Variants in ARHGEF28 observed in about 807,000 individuals in gnomAD.
ARHGEF28 encodes the protein Rho guanine nucleotide exchange factor 28, also known as 190 kDa guanine nucleotide exchange factor.
A neutral mutation model predicts 206.6 loss-of-function variants in ARHGEF28; 152 were observed. The ratio of observed to expected loss-of-function variants is 0.74; its 90% CI spans 0.64 to 0.84. ARHGEF28 has a LOEUF of 0.84. ARHGEF28 is among the 40% of genes least tolerant of loss of function. ARHGEF28 has a pLI of 0.00. For missense variants in ARHGEF28, 2,028 were observed against 2,073.2 expected (o/e 0.98, Z 0.42); for synonymous variants, 763 against 776.4 (o/e 0.98, Z 0.29).
At chr5:73,787,557 C>A (rs1426799041) in intron 7 of ARHGEF28, among the ~76,000 whole-genome samples, 1 of 152,146 alleles carries the variant, frequency 6.6e-6, no homozygotes, top group Non-Finnish European at 1.5e-5. Context: ...CTCTGACAGA[C>A]CCTGGTGTGT....
chr5:73,830,599 C>T (rs1484694000), intron 9 of ARHGEF28, among the ~76,000 whole-genome samples: 11 of 151,380 alleles, frequency 7.3e-5, no homozygotes, highest in Non-Finnish European at 1.2e-4. Context: ...TCTTTAACAT[C>T]GTATGTTTCC....
chr5:73,787,441 G>C (rs926199217), intron 7 of ARHGEF28, among the ~76,000 whole-genome samples: 1 of 152,060 alleles, frequency 6.6e-6, no homozygotes, highest in African/African-American at 2.4e-5. Flanking sequence ...AGAACGTGCA[G>C]GTTTGTTACA....
chr5:73,725,228 A>G (rs370338450), intron 2 of ARHGEF28, among the ~76,000 whole-genome samples: 18 of 152,354 alleles, frequency 1.2e-4, no homozygotes, highest in African/African-American at 4.3e-4. Context: ...TGATAGGAGT[A>G]TCATAAACCA....
rs978252842 is a variant in ARHGEF28 at position 73,850,556 on chromosome 5, T to C, written c.1747+1469T>C. On this transcript the variant is annotated intron_variant, in intron 13 of 35. Coordinates refer to ENST00000513042, the MANE Select transcript of ARHGEF28 (RefSeq NM_001177693.2). ...TGATGAATTAACCTCACATTGTTACTATTTGGAAAACATGTTTAAGTTTTC... is the reference window on the plus strand; with the variant it reads ...TGATGAATTAACCTCACATTGTTACCATTTGGAAAACATGTTTAAGTTTTC... Among the ~76,000 whole-genome samples the C allele has an allele frequency of 2.0e-5, 3 of 152,252 alleles. No homozygotes were observed. In the East Asian group the frequency reaches 5.8e-4, roughly 29 times the overall value.
At chr5:73,787,855 T>G (rs115536360) in intron 7 of ARHGEF28, among the ~76,000 whole-genome samples, 1,597 of 152,324 alleles carry the variant, frequency 0.01, 37 homozygotes, top group African/African-American at 0.036. Context: ...ATGGATAGGA[T>G]ATCATGATGA....
In ARHGEF28 at chr5:73,858,154, C is replaced by G; in HGVS notation, c.1982C>G (p.Ser661Cys). ...CATCAGTTTGCCCCAGGAACATTCT[C>G]TGGGGTTCTGCAGTGTTTGGTTTGT... The part of the protein sequence containing the change: ...NRHQFAPGTF[S>C]GVLQCLVCDK... Residue 661 changes from serine to cysteine, a missense_variant, in exon 16 of 36, where the codon TCT becomes TGT. Ser to Cys is a moderately radical substitution (Grantham distance 112). Coordinates refer to ENST00000513042, the MANE Select transcript of ARHGEF28 (RefSeq NM_001177693.2). 1 of 1,612,402 alleles carries G rather than the reference C, an allele frequency of 6.2e-7. No homozygotes were observed. The highest frequency in any genetic ancestry group is 1.1e-5 in the South Asian group (1 of 90,760).
intron 11 of ARHGEF28, among the ~76,000 whole-genome samples, chr5:73,843,373 ATC>A (rs112107364): frequency 3.3e-5 from 5 of 152,340 alleles, no homozygotes; most frequent in African/African-American, 1.2e-4. Flanking sequence ...AGCTGACTTC[ATC>A]TCCTTTGCCC....
intron 2 of ARHGEF28, among the ~76,000 whole-genome samples, chr5:73,743,499 G>A (rs73762194): frequency 0.014 from 2,157 of 152,236 alleles, 44 homozygotes; most frequent in African/African-American, 0.048. Context: ...TGTGTTATAA[G>A]TCTTTTAAGT....
intron 21 of ARHGEF28, among the ~76,000 whole-genome samples, 162 bp downstream of exon 21, chr5:73,870,371 A>G (rs1359136143): frequency 6.6e-6 from 1 of 152,180 alleles, no homozygotes; most frequent in Non-Finnish European, 1.5e-5. Flanking sequence ...TAGTTTCTCC[A>G]TCTGTAAAAT....
intron 11 of ARHGEF28, among the ~76,000 whole-genome samples, chr5:73,845,667 A>G (rs569233770): frequency 6.6e-6 from 1 of 152,282 alleles, no homozygotes; most frequent in African/African-American, 2.4e-5. Context: ...GGTTAGTACT[A>G]ACTCAAACCA....
At chr5:73,732,818 A>T (rs891163405) in intron 2 of ARHGEF28, among the ~76,000 whole-genome samples, 1 of 152,156 alleles carries the variant, frequency 6.6e-6, no homozygotes, top group East Asian at 1.9e-4. Flanking sequence ...AAAGTGGTAT[A>T]TGAAAGCATA....
intron 9 of ARHGEF28, among the ~76,000 whole-genome samples, chr5:73,815,506 G>C (rs549128811): frequency 6.6e-6 from 1 of 152,256 alleles, no homozygotes; most frequent in African/African-American, 2.4e-5. Context: ...AGAGCTTCTT[G>C]AGGATAGGTA....
intron 35 of ARHGEF28, among the ~76,000 whole-genome samples, chr5:73,922,283 A>C (rs915995207): frequency 2.0e-5 from 3 of 152,184 alleles, no homozygotes; most frequent in African/African-American, 7.2e-5. Context: ...TTTTCCTCTG[A>C]ATTTAGGGCA....
intron 9 of ARHGEF28, among the ~76,000 whole-genome samples, chr5:73,820,368 G>A (rs1460331891): frequency 6.6e-6 from 1 of 152,006 alleles, no homozygotes; most frequent in Non-Finnish European, 1.5e-5. Context: ...TGATTTCCTG[G>A]TGACAGTGGA....
At chr5:73,672,796 G>T (rs574600955) in intron 1 of ARHGEF28, among the ~76,000 whole-genome samples, 37 of 152,332 alleles carry the variant, frequency 2.4e-4, no homozygotes, top group Admixed American at 2.1e-3. Context: ...ATCACTTTGT[G>T]TGCAAATATA....
chr5:73,645,171 GTTGTTTGT>G (rs202015873), intron 1 of ARHGEF28, among the ~76,000 whole-genome samples: 16 of 152,026 alleles, frequency 1.1e-4, no homozygotes, highest in South Asian at 6.2e-4. Context: ...AAATTATTAA[GTTGTTTGT>G]TTGTTTGTTT....
chr5:73,684,866 C>T lies in ARHGEF28; in HGVS notation c.15C>T (p.Cys5=). Residue 5 remains cysteine (C), a synonymous_variant, in exon 2 of 36, where the codon TGC becomes TGT. Coordinates refer to ENST00000513042, the MANE Select transcript of ARHGEF28 (RefSeq NM_001177693.2). MELS[C]SEAPLYGQMM... is the part of the protein sequence containing the mutation. ...ATGCGAAAGCCATGGAGTTGAGCTGCAGCGAAGCACCTCTTTACGTAAGTT... is the reference window on the plus strand; with the variant it reads ...ATGCGAAAGCCATGGAGTTGAGCTGTAGCGAAGCACCTCTTTACGTAAGTT... The T allele has an allele frequency of 6.2e-7, 1 of 1,610,942 alleles. No homozygotes were observed.
chr5:73,626,509 C>T (rs1005799116), intron 1 of ARHGEF28, among the ~76,000 whole-genome samples, 187 bp downstream of exon 1: 4 of 151,986 alleles, frequency 2.6e-5, no homozygotes, highest in Middle Eastern at 3.2e-3. Flanking sequence ...CCTCCCGCTC[C>T]CTCGGGAGCG....
chr5:73,724,872 A>C (rs1580530465), intron 2 of ARHGEF28, among the ~76,000 whole-genome samples: 1 of 152,220 alleles, frequency 6.6e-6, no homozygotes, highest in East Asian at 1.9e-4. Flanking sequence ...CACAGATTTC[A>C]TGTGAATATA....
Sources: allele counts gnomAD v4.1 joint callset (sites outside exome capture counted in the v4.1 genomes callset), GRCh38; gene constraint gnomAD v4.1.1; transcripts MANE v1.5; gene names NCBI Gene and HGNC (gene_info 2026-07-23, HGNC 2026-07-21).